ERICH3: variants seen among roughly 807,000 people sequenced by gnomAD.
ERICH3 encodes glutamate rich 3, also known as glutamate-rich protein 3.
A neutral mutation model predicts 131.1 loss-of-function variants in ERICH3; 126 were observed. The observed-to-expected ratio is 0.96, with a 90% CI of 0.83 to 1.11. ERICH3 has a LOEUF of 1.11. Among genes scored for constraint, ERICH3 ranks in the 50% most tolerant of loss-of-function variants. The probability of loss-of-function intolerance (pLI) is 0.00; values close to 1 mark genes in which losing one functional copy is unlikely to be tolerated. For missense variants in ERICH3, 2,050 were observed against 1,810.7 expected, an observed-to-expected ratio of 1.13 and a Z score of -2.40; for synonymous variants, 695 against 644.6, an observed-to-expected ratio of 1.08 and a Z score of -1.18.
intron 11 of ERICH3, chr1:74,591,862 G>A (rs987637635): frequency 6.6e-6 from 1 of 151,966 alleles, no homozygotes; most frequent in African/African-American, 2.4e-5. Context: ...TTTAAATGCT[G>A]CCTATTTTTT....
At position 74,590,095 on chromosome 1, in the gene ERICH3, A is replaced by T; in HGVS notation, c.1727-15T>A. On this transcript the variant is annotated splice_polypyrimidine_tract_variant and intron_variant, in intron 11 of 14. Transcript: ENST00000326665. ...AGTTTTCATATCTACAAAAAATAAA[A>T]GTGATGACATTGTTGTTGTTCTGTA... is the stretch of plus-strand genomic sequence containing the variant. 6.5e-7 allele frequency: 1 copy of T among 1,548,066 alleles called. No individual in the cohort carries two copies. Among genetic ancestry groups the T allele is most frequent in the Admixed American group, 2.0e-5 (1 of 49,400 alleles).
rs1646944826 is a variant in ERICH3 at position 74,571,486 on chromosome 1, T to G, written c.4224A>C (p.Leu1408Phe). 1 of 1,614,150 alleles carries G rather than the reference T, an allele frequency of 6.2e-7. No individual in the cohort carries two copies. The highest frequency in any genetic ancestry group is 8.5e-7 in the Non-Finnish European group (1 of 1,180,018). Residue 1408 changes from leucine (L) to phenylalanine (F), a missense_variant, in exon 14 of 15, where the codon TTA becomes TTC. Leu to Phe is a conservative substitution (Grantham distance 22). Coordinates refer to ENST00000326665, the MANE Select transcript of ERICH3 (RefSeq NM_001002912.5). ...AAAGKVVVEE[L>F]ARSGEEVPAA... is the part of the protein sequence containing the mutation. ...CTGGCACTTCCTCCCCACTCCGTGC[T>G]AATTCCTCTACCACCACCTTCCCTG... is the stretch of plus-strand genomic sequence containing the variant.
chr1:74,624,201 A>G (rs1251649624), intron 7 of ERICH3: 2 of 152,194 alleles, frequency 1.3e-5, no homozygotes, highest in Non-Finnish European at 2.9e-5. Flanking sequence ...TAGAAACTCA[A>G]TAGTTACCAG....
chr1:74,613,680 A>C (rs567726914), intron 8 of ERICH3, among the ~76,000 whole-genome samples: 1 of 152,334 alleles, frequency 6.6e-6, no homozygotes, highest in African/African-American at 2.4e-5. Context: ...CCACCAATAA[A>C]TTTAGAACCA....
intron 12 of ERICH3, chr1:74,577,348 C>T (rs533794658): frequency 1.3e-5 from 2 of 156,104 alleles, no homozygotes; most frequent in Middle Eastern, 3.3e-3. Context: ...AATGATGTGC[C>T]CTTACTGCCA....
At chr1:74,660,041 G>A (rs1222896016) in intron 1 of ERICH3, among the ~76,000 whole-genome samples, 3 of 152,098 alleles carry the variant, frequency 2.0e-5, no homozygotes, top group African/African-American at 7.2e-5. Context: ...TCAAGGGAGG[G>A]ACCCAATGGG....
chr1:74,641,476 A>C lies in ERICH3; in HGVS notation c.316-17T>G. The C allele has an allele frequency of 6.2e-7, 1 of 1,608,188 alleles. No homozygotes were observed. Among genetic ancestry groups the C allele is most frequent in the South Asian group, 1.1e-5 (1 of 90,206 alleles). On this transcript the variant is annotated splice_polypyrimidine_tract_variant and intron_variant, in intron 4 of 14. Coordinates refer to ENST00000326665, the MANE Select transcript of ERICH3 (RefSeq NM_001002912.5). ...GTGCTCTCCCTAGAATAAGAAAGCA[A>C]TTTAGCAAATAGATGCATAGTTAGT...
chr1:74,660,448 T>G (rs1391740580), intron 1 of ERICH3, among the ~76,000 whole-genome samples: 1 of 151,604 alleles, frequency 6.6e-6, no homozygotes, highest in East Asian at 1.9e-4. Flanking sequence ...TATGTTGGCT[T>G]GGAAATCTGA....
rs762854987 is a variant in ERICH3, at chr1:74,612,763, A to T, written c.1047T>A (p.Ser349Arg). Residue 349 changes from serine (S) to arginine (R), a missense_variant, in exon 9 of 15, where the codon AGT becomes AGA. Coordinates refer to ENST00000326665, the MANE Select transcript of ERICH3 (RefSeq NM_001002912.5). ...GCATCCCATTCAGGAAAAAGGTGAG[A>T]CTGAAGGGGAAACCATGATGCCTTT... Reference protein sequence around the residue: ...ISKRHHGFPFSLTFFLNGMQV... With the variant: ...ISKRHHGFPFRLTFFLNGMQV... 3 of 1,598,490 alleles carry T rather than the reference A, an allele frequency of 1.9e-6. No homozygotes were observed. The Admixed American group carries it at 5.0e-5, about 27-fold the overall frequency.
chr1:74,620,072 A>G (rs942107690), intron 8 of ERICH3, among the ~76,000 whole-genome samples: 3 of 152,188 alleles, frequency 2.0e-5, no homozygotes, highest in African/African-American at 7.2e-5. Context: ...TTTTGGACCC[A>G]GTTTCTTAAG....
intron 11 of ERICH3, among the ~76,000 whole-genome samples, chr1:74,595,153 A>C (rs1047800571): frequency 6.6e-6 from 1 of 151,928 alleles, no homozygotes; most frequent in African/African-American, 2.4e-5. Context: ...TCCTACTATT[A>C]GTTGTATAAA....
rs1421605930 is a variant in ERICH3 at position 74,571,804 on chromosome 1, G to A, written c.3906C>T (p.Cys1302=). 6.2e-7 allele frequency: 1 copy of A among 1,613,574 alleles called. No individual in the cohort carries two copies. Among genetic ancestry groups the A allele is most frequent in the East Asian group, 2.2e-5 (1 of 44,866 alleles). The change falls in exon 14 of 15, where the codon TGC becomes TGT. Residue 1302 remains cysteine (C), a synonymous_variant. Transcript: ENST00000326665. ...EDPEEEEDKE[C]TLETEAMQDR... ...CCTGCATCGCTTCTGTCTCCAGAGT[G>A]CACTCTTTGTCCTCTTCCTCCTCTG...
At chr1:74,657,301 TC>T (rs1283230353) in intron 1 of ERICH3, among the ~76,000 whole-genome samples, 1 of 152,166 alleles carries the variant, frequency 6.6e-6, no homozygotes, top group African/African-American at 2.4e-5. Flanking sequence ...AAAATATAGT[TC>T]CCAGGGAGGC....
rs566090480 is a variant in ERICH3, at chr1:74,625,767, T to G, written c.820-4853A>C. 2.6e-5 allele frequency: 4 copies of G among 152,246 alleles called. No individual in the cohort carries two copies. The East Asian group carries it at 7.7e-4, about 29-fold the overall frequency. The allele number at this position is 152,246 out of a possible 1,614,324, so 9.4% of individuals were successfully genotyped here. A position where few individuals can be genotyped will look rare whatever the true frequency, so the allele number is the denominator to read the frequency against. ...TTTAGAGGCAGGACAAGTATATAGA[T>G]GATTGCAATAGTTCCATTAAAAGAT... On this transcript the variant is annotated intron_variant, in intron 7 of 14. Coordinates refer to ENST00000326665, the MANE Select transcript of ERICH3 (RefSeq NM_001002912.5).
At chr1:74,647,657 G>A (rs554342033) in intron 2 of ERICH3, among the ~76,000 whole-genome samples, 138 of 151,978 alleles carry the variant, frequency 9.1e-4, no homozygotes, top group Non-Finnish European at 1.6e-3. Flanking sequence ...TTACCCATAC[G>A]GATTGTTCAC....
At chr1:74,574,601 C>T (rs1441452938) in intron 13 of ERICH3, among the ~76,000 whole-genome samples, 1 of 152,178 alleles carries the variant, frequency 6.6e-6, no homozygotes, top group African/African-American at 2.4e-5. Context: ...TAGGACTTTG[C>T]AGACCGGGAC....
intron 7 of ERICH3, 102 bp downstream of exon 7, chr1:74,631,611 G>T: frequency 2.2e-6 from 2 of 923,454 alleles, no homozygotes; most frequent in Non-Finnish European, 3.3e-6. Flanking sequence ...ACAACGTTTT[G>T]CATGCAATTT....
intron 14 of ERICH3, 59 bp downstream of exon 14, chr1:74,571,040 G>T: frequency 6.5e-7 from 1 of 1,539,662 alleles, no homozygotes; most frequent in Non-Finnish European, 8.7e-7. Context: ...GCCCCAAGGG[G>T]AGGAGACCCA....
intron 12 of ERICH3, among the ~76,000 whole-genome samples, chr1:74,588,554 T>C (rs1647443190): frequency 6.6e-6 from 1 of 152,154 alleles, no homozygotes; most frequent in Non-Finnish European, 1.5e-5. Flanking sequence ...TCATATGCTT[T>C]TAAAACGCAG....
Sources: allele counts gnomAD v4.1 joint callset (sites outside exome capture counted in the v4.1 genomes callset), GRCh38; gene constraint gnomAD v4.1.1; transcripts MANE v1.5; gene names NCBI Gene and HGNC (gene_info 2026-07-23, HGNC 2026-07-21).